Variants in SMAD4 observed in about 807,000 individuals in gnomAD.
SMAD4 encodes SMAD family member 4.
SMAD4 carries 7 observed loss-of-function variants against 63.2 expected under a neutral mutation model. The ratio of observed to expected loss-of-function variants is 0.11; its 90% confidence interval spans 0.06 to 0.21. SMAD4 has a LOEUF of 0.21. Ranked by LOEUF, SMAD4 falls within the 10% of genes least tolerant of loss-of-function variation. The probability of loss-of-function intolerance (pLI) is 1.00; values close to 1 mark genes in which losing one functional copy is unlikely to be tolerated. For synonymous variants in SMAD4, 215 were observed against 235.4 expected, an observed-to-expected ratio of 0.91 and a Z score of 0.79; for missense variants, 312 against 693.8, an observed-to-expected ratio of 0.45 and a Z score of 6.18.
Position 51,078,699 on chromosome 18 carries a change from A to C in SMAD4, c.*232A>C. ...TCAGAGCTTGAAGATTAGGAGAAAC[A>C]CATTCTTATTAATTCTTCACCTGTT... is the stretch of plus-strand genomic sequence containing the variant. On this transcript the variant is annotated 3_prime_UTR_variant, in exon 12 of 12. Coordinates refer to ENST00000342988, the MANE Select transcript of SMAD4 (RefSeq NM_005359.6). 1.9e-6 allele frequency: 1 copy of C among 522,762 alleles called. No individual in the cohort carries two copies. The highest frequency in any genetic ancestry group is 3.4e-6 in the Non-Finnish European group (1 of 293,734). 32.4% of individuals were successfully genotyped at this position (522,762 alleles called of 1,614,324 possible). A position where few individuals can be genotyped will look rare whatever the true frequency, so the allele number is the denominator to read the frequency against.
intron 10 of SMAD4, among the ~76,000 whole-genome samples, chr18:51,073,390 C>T (rs10164023): frequency 0.45 from 12,072 of 27,064 alleles, 1,015 homozygotes; most frequent in Non-Finnish European, 0.49. Flanking sequence ...TATATATATA[C>T]ACACACACAC....
At chr18:51,032,338 C>G (rs1472861053) in intron 1 of SMAD4, among the ~76,000 whole-genome samples, 1 of 151,666 alleles carries the variant, frequency 6.6e-6, no homozygotes, top group African/African-American at 2.4e-5. Flanking sequence ...CATTGTAAAT[C>G]TTGAGTTTAG....
chr18:51,060,006 G>A (rs1909963905), intron 8 of SMAD4, 90 bp downstream of exon 8: 1 of 983,354 alleles, frequency 1.0e-6, no homozygotes, highest in Non-Finnish European at 1.6e-6. Flanking sequence ...GAATTATGGG[G>A]TCACTTCTCA....
chr18:51,048,898 G>A (rs770303876), intron 3 of SMAD4, 38 bp downstream of exon 3: 1 of 1,555,448 alleles, frequency 6.4e-7, no homozygotes, highest in Non-Finnish European at 8.9e-7. Context: ...AAACATAAAG[G>A]GAAAAGGATC....
intron 11 of SMAD4, chr18:51,077,321 C>T: frequency 1.1e-6 from 1 of 907,082 alleles, no homozygotes; most frequent in Non-Finnish European, 1.3e-6. Flanking sequence ...AAACTCCTGA[C>T]TATAGACTTT....
At chr18:51,058,859 A>G (rs989934710) in intron 7 of SMAD4, among the ~76,000 whole-genome samples, 2 of 152,202 alleles carry the variant, frequency 1.3e-5, no homozygotes, top group Non-Finnish European at 1.5e-5. Flanking sequence ...TGTTGAATCT[A>G]TAGATAACTC....
intron 4 of SMAD4, chr18:51,053,446 T>C (rs1016391107): frequency 4.6e-5 from 7 of 152,164 alleles, no homozygotes; most frequent in Non-Finnish European, 7.4e-5. Context: ...TGAGTGGTTG[T>C]GTTCAGTTTT....
At chr18:51,066,790 T>G in intron 9 of SMAD4, 1 of 497,498 alleles carries the variant, frequency 2.0e-6, no homozygotes, top group Non-Finnish European at 3.6e-6. Flanking sequence ...TAATGAGAAT[T>G]CATACTACAT....
At chr18:51,077,346 G>A in intron 11 of SMAD4, 1 of 979,754 alleles carries the variant, frequency 1.0e-6, no homozygotes. Flanking sequence ...ATGGAAACAC[G>A]TGGCACCCAT....
At chr18:51,070,245 G>A (rs1235925745) in intron 10 of SMAD4, among the ~76,000 whole-genome samples, 1 of 152,172 alleles carries the variant, frequency 6.6e-6, no homozygotes, top group South Asian at 2.1e-4. Context: ...ATGTGGAATC[G>A]TGCAAGTGTA....
In SMAD4 at chr18:51,084,807, T is replaced by C. The variant is rs1599211044; in HGVS notation, c.*6340T>C. 1 of 230,086 alleles carries C rather than the reference T, an allele frequency of 4.3e-6. No homozygotes were observed. The highest frequency in any genetic ancestry group is 6.1e-5 in the East Asian group (1 of 16,292). The allele number at this position is 230,086 out of a possible 1,614,324, so 14.3% of individuals were successfully genotyped here. A position where few individuals can be genotyped will look rare whatever the true frequency, so the allele number is the denominator to read the frequency against. ...GTTGGGGACAGATTTGGTGGTGGTA[T>C]TTCCCAACTGTTTCCTCCCCTAAAT... On this transcript the variant is annotated 3_prime_UTR_variant, in exon 12 of 12. Transcript: ENST00000342988.
At chr18:51,050,134 GATCACCT>G (rs1446567908) in intron 4 of SMAD4, among the ~76,000 whole-genome samples, 1 of 152,106 alleles carries the variant, frequency 6.6e-6, no homozygotes, top group African/African-American at 2.4e-5. Context: ...TAAGCGGGTG[GATCACCT>G]GAGGTCAGGA....
intron 8 of SMAD4, among the ~76,000 whole-genome samples, chr18:51,064,459 C>T (rs372228013): frequency 1.3e-4 from 20 of 152,094 alleles, no homozygotes; most frequent in African/African-American, 4.4e-4. Context: ...AGAACAGGGA[C>T]TGTAGCTGTT....
chr18:51,053,481 G>A (rs571143211), intron 4 of SMAD4: 41 of 152,022 alleles, frequency 2.7e-4, no homozygotes, highest in African/African-American at 8.7e-4. Context: ...AATTTGTTAC[G>A]CATCCTTTTG....
At chr18:51,053,130 T>C (rs1400837907) in intron 4 of SMAD4, 1 of 152,210 alleles carries the variant, frequency 6.6e-6, no homozygotes, top group Non-Finnish European at 1.5e-5. Context: ...TACATAAAGA[T>C]GTTATGATTG....
intron 1 of SMAD4, among the ~76,000 whole-genome samples, chr18:51,040,463 C>T (rs1909342454): frequency 6.6e-6 from 1 of 152,084 alleles, no homozygotes; most frequent in Admixed American, 6.6e-5. Flanking sequence ...CAAATATTCC[C>T]ATAGTAAGTA....
chr18:51,071,871 T>A (rs1910326894), intron 10 of SMAD4, among the ~76,000 whole-genome samples: 1 of 152,252 alleles, frequency 6.6e-6, no homozygotes, highest in African/African-American at 2.4e-5. Context: ...GAGAATTATG[T>A]AATATAGTCT....
chr18:51,067,601 C>T (rs1450497010), intron 10 of SMAD4, among the ~76,000 whole-genome samples: 5 of 151,978 alleles, frequency 3.3e-5, no homozygotes, highest in South Asian at 2.1e-4. Flanking sequence ...TTAGTAGAGA[C>T]GGGGTTTCAC....
chr18:51,083,826 T>C lies in SMAD4; in HGVS notation c.*5359T>C, dbSNP rs144187949. ...TTGGATTTCTTCCTTATCTTTGTTC[T>C]GCTGTTTGAGGGGGCTTTTTACTTA... On this transcript the variant is annotated 3_prime_UTR_variant, in exon 12 of 12. Transcript: ENST00000342988. The C allele has an allele frequency of 4.3e-6, 1 of 231,566 alleles. No homozygotes were observed. The highest frequency in any genetic ancestry group is 6.1e-5 in the East Asian group (1 of 16,442). 14.3% of individuals were successfully genotyped at this position (231,566 alleles called of 1,614,324 possible).
Sources: allele counts gnomAD v4.1 joint callset (sites outside exome capture counted in the v4.1 genomes callset), GRCh38; gene constraint gnomAD v4.1.1; transcripts MANE v1.5; gene names NCBI Gene and HGNC (gene_info 2026-07-23, HGNC 2026-07-21).